Variants in KCNQ5 observed in about 807,000 individuals in gnomAD.
KCNQ5 encodes potassium voltage-gated channel subfamily Q member 5.
Under a neutral mutation model 98.2 loss-of-function variants are expected in KCNQ5, and 30 were observed. The ratio of observed to expected loss-of-function variants is 0.31; its 90% CI spans 0.23 to 0.41. The LOEUF is 0.41. Ranked by LOEUF, KCNQ5 falls within the 10% of genes least tolerant of loss-of-function variation. The probability of loss-of-function intolerance (pLI) is 1.00; values close to 1 mark genes in which losing one functional copy is unlikely to be tolerated. For missense variants in KCNQ5, 835 were observed against 1,182.5 expected (o/e 0.71, Z 4.31); for synonymous variants, 458 against 449.4 (o/e 1.02, Z -0.24).
intron 1 of KCNQ5, among the ~76,000 whole-genome samples, chr6:73,002,287 C>T (rs955614722): frequency 2.6e-5 from 4 of 152,064 alleles, no homozygotes; most frequent in Non-Finnish European, 5.9e-5. Flanking sequence ...CTTCCTGAGC[C>T]GAGAATACCA....
At chr6:73,073,068 C>T (rs1349230307) in intron 3 of KCNQ5, among the ~76,000 whole-genome samples, 4 of 152,092 alleles carry the variant, frequency 2.6e-5, no homozygotes, top group African/African-American at 2.4e-5. Flanking sequence ...ATGCTTTATG[C>T]GATAACAATT....
At chr6:72,969,706 A>G (rs1278733075) in intron 1 of KCNQ5, among the ~76,000 whole-genome samples, 1 of 152,218 alleles carries the variant, frequency 6.6e-6, no homozygotes, top group African/African-American at 2.4e-5. Context: ...CAGACCTTAA[A>G]GGTCAAAGAA....
At chr6:72,856,438 GTATACA>G (rs1363903834) in intron 1 of KCNQ5, among the ~76,000 whole-genome samples, 1 of 141,136 alleles carries the variant, frequency 7.1e-6, no homozygotes, top group Non-Finnish European at 1.5e-5. Flanking sequence ...ATATATGTAT[GTATACA>G]TACACACACA....
chr6:72,704,537 A>G (rs1033277333), intron 1 of KCNQ5, among the ~76,000 whole-genome samples: 1 of 152,126 alleles, frequency 6.6e-6, no homozygotes, highest in African/African-American at 2.4e-5. Flanking sequence ...AATATTTTGC[A>G]AAAAATAAAA....
At chr6:73,137,859 TA>T (rs879874972) in intron 10 of KCNQ5, among the ~76,000 whole-genome samples, 8 of 152,194 alleles carry the variant, frequency 5.3e-5, no homozygotes, top group African/African-American at 9.7e-5. Context: ...AATTTCCCTT[TA>T]AGAATCTTTC....
At chr6:72,948,950 C>T (rs1766671425) in intron 1 of KCNQ5, among the ~76,000 whole-genome samples, 1 of 152,142 alleles carries the variant, frequency 6.6e-6, no homozygotes. Context: ...CTCTGAAAAA[C>T]ACTTTTTTTA....
chr6:72,769,475 A>G (rs1395929232), intron 1 of KCNQ5, among the ~76,000 whole-genome samples: 1 of 152,048 alleles, frequency 6.6e-6, no homozygotes, highest in Non-Finnish European at 1.5e-5. Flanking sequence ...ATCGATGTCT[A>G]AGCTCCACCC....
At chr6:73,041,784 T>G in intron 2 of KCNQ5, 152 bp from the exon 3 acceptor site, 1 of 831,374 alleles carries the variant, frequency 1.2e-6, no homozygotes, top group Non-Finnish European at 1.9e-6. Context: ...CAGATTTAGT[T>G]TGATCTGGAG....
chr6:72,890,848 A>G lies in KCNQ5; in HGVS notation c.399-113060A>G, dbSNP rs186037344. ...TTGACACCAAACATCTGGCCCTTGTAAAGAGAACATGTAGCCCTCCCAAGG... is the reference window on the plus strand; with the variant it reads ...TTGACACCAAACATCTGGCCCTTGTGAAGAGAACATGTAGCCCTCCCAAGG... On this transcript the variant is annotated intron_variant, in intron 1 of 13. Coordinates refer to ENST00000370398, the MANE Select transcript of KCNQ5 (RefSeq NM_019842.4). 3.9e-5 allele frequency among the ~76,000 whole-genome samples: 6 copies of G among 152,338 alleles called. No homozygotes were observed. The East Asian group carries it at 1.2e-3, about 29-fold the overall frequency.
intron 1 of KCNQ5, among the ~76,000 whole-genome samples, chr6:72,821,151 GGT>G (rs1775736057): frequency 1.3e-5 from 2 of 152,162 alleles, no homozygotes; most frequent in African/African-American, 4.8e-5. Context: ...AGATGGTAGA[GGT>G]GTGTCAGGGG....
chr6:72,671,244 A>G (rs908750245), intron 1 of KCNQ5, among the ~76,000 whole-genome samples: 24 of 152,184 alleles, frequency 1.6e-4, no homozygotes, highest in African/African-American at 5.5e-4. Flanking sequence ...GACAGCCTTT[A>G]CTTTGGGAAA....
chr6:72,938,546 A>G (rs942025633), intron 1 of KCNQ5, among the ~76,000 whole-genome samples: 1 of 25,496 alleles, frequency 3.9e-5, no homozygotes, highest in African/African-American at 7.6e-5. Flanking sequence ...CACCCGGCTA[A>G]TTCTTGTATT....
intron 1 of KCNQ5, among the ~76,000 whole-genome samples, chr6:72,811,760 A>G (rs1329907531): frequency 6.6e-6 from 1 of 152,212 alleles, no homozygotes; most frequent in Non-Finnish European, 1.5e-5. Flanking sequence ...AGACCCCTAA[A>G]GAGGGTTCTT....
chr6:72,799,156 G>A (rs1454471875), intron 1 of KCNQ5, among the ~76,000 whole-genome samples: 1 of 152,088 alleles, frequency 6.6e-6, no homozygotes, highest in Non-Finnish European at 1.5e-5. Flanking sequence ...ACAACTGTGG[G>A]GACTGGGAAG....
At chr6:73,041,486 C>A (rs535376315) in intron 2 of KCNQ5, among the ~76,000 whole-genome samples, 20 of 152,184 alleles carry the variant, frequency 1.3e-4, no homozygotes, top group Admixed American at 3.9e-4. Context: ...TCTCTAAGAA[C>A]AACTCTCGAA....
intron 1 of KCNQ5, among the ~76,000 whole-genome samples, chr6:72,903,095 T>TA (rs1779571796): frequency 6.6e-6 from 1 of 152,170 alleles, no homozygotes; most frequent in Non-Finnish European, 1.5e-5. Context: ...ATCCATCTCT[T>TA]CTAGGTTTTC....
intron 2 of KCNQ5, among the ~76,000 whole-genome samples, chr6:73,018,321 G>T (rs1027801202): frequency 6.6e-5 from 10 of 152,044 alleles, no homozygotes; most frequent in African/African-American, 2.4e-4. Context: ...CTGTAGCCAG[G>T]CAGGGATGCG....
chr6:72,949,505 T>C (rs768903470), intron 1 of KCNQ5, among the ~76,000 whole-genome samples: 15 of 152,218 alleles, frequency 9.9e-5, no homozygotes, highest in Admixed American at 2.6e-4. Flanking sequence ...TGCAACATTT[T>C]TCTGAGCTTA....
At position 72,792,794 on chromosome 6, in the gene KCNQ5, T is replaced by C. The variant is rs567747041; in HGVS notation, c.398+170207T>C. On this transcript the variant is annotated intron_variant, in intron 1 of 13. Coordinates refer to ENST00000370398, the MANE Select transcript of KCNQ5 (RefSeq NM_019842.4). ...CAGCAAATTCAAAACCCAGAATCTA[T>C]CCATACATATTTAGGGATGCATGGG... 6.0e-4 allele frequency among the ~76,000 whole-genome samples: 92 copies of C among 152,336 alleles called. 1 individual carries two copies. The highest frequency in any genetic ancestry group is 1.2e-3 in the Admixed American group (19 of 15,298).
Sources: allele counts gnomAD v4.1 joint callset (sites outside exome capture counted in the v4.1 genomes callset), GRCh38; gene constraint gnomAD v4.1.1; transcripts MANE v1.5; gene names NCBI Gene and HGNC (gene_info 2026-07-23, HGNC 2026-07-21).